Variants in BICDL1 observed in about 807,000 individuals in gnomAD.
The protein encoded by BICDL1 is BICD family-like cargo adapter 1.
A neutral mutation model predicts 76.8 loss-of-function variants in BICDL1; 20 were observed. The observed-to-expected ratio is 0.26, with a 90% CI of 0.18 to 0.38. The LOEUF (loss-of-function observed/expected upper bound fraction) is 0.38, where lower values mean the gene tolerates loss of function less well. Among genes scored for constraint, BICDL1 ranks in the 10% least tolerant of loss-of-function variants. The pLI is 1.00. For missense variants in BICDL1, 700 were observed against 798.6 expected (o/e 0.88, Z 1.49); for synonymous variants, 383 against 337.1 (o/e 1.14, Z -1.49).
chr12:120,071,882 C>CGG lies in BICDL1; in HGVS notation c.1089+81_1089+82insGG, dbSNP rs1566259235. 1 of 1,441,340 alleles carries CGG rather than the reference C, an allele frequency of 6.9e-7. No homozygotes were observed. The highest frequency in any genetic ancestry group is 9.1e-7 in the Non-Finnish European group (1 of 1,097,206). 89.3% of individuals were successfully genotyped at this position (1,441,340 alleles called of 1,614,324 possible). Reference sequence around the variant, plus strand: ...ATCCTCCTCCCTAGTGCTCAGCTGCCATCCTGGCAAGGCTGTGCCCCTGTG... The same window carrying CGG: ...ATCCTCCTCCCTAGTGCTCAGCTGCCGGATCCTGGCAAGGCTGTGCCCCTGTG... On this transcript the variant is annotated intron_variant, in intron 5 of 9. Transcript: ENST00000548673. This position sits in a 1 kb window ranked among gnomAD's most constrained non-coding sequence, Gnocchi z 4.8.
intron 8 of BICDL1, among the ~76,000 whole-genome samples, chr12:120,083,705 G>T (rs1189794014): frequency 6.6e-6 from 1 of 151,392 alleles, no homozygotes; most frequent in Non-Finnish European, 1.5e-5. Context: ...TGTTGCCTAG[G>T]CTGGAGAGCA....
intron 2 of BICDL1, among the ~76,000 whole-genome samples, chr12:120,025,801 T>A (rs941906248): frequency 6.6e-6 from 1 of 152,196 alleles, no homozygotes; most frequent in Non-Finnish European, 1.5e-5. Context: ...TATTGTGGTA[T>A]ATATTTCTAT....
At chr12:120,032,072 A>G (rs1239760132) in intron 2 of BICDL1, among the ~76,000 whole-genome samples, 2 of 152,210 alleles carry the variant, frequency 1.3e-5, no homozygotes, top group South Asian at 2.1e-4. Context: ...AGCCTGGGCA[A>G]TAGAGTGAGA....
intron 4 of BICDL1, among the ~76,000 whole-genome samples, chr12:120,066,415 A>G (rs1953221960): frequency 6.6e-6 from 1 of 152,222 alleles, no homozygotes; most frequent in South Asian, 2.1e-4. Context: ...GCATGAATTT[A>G]TAGTGAAAAG....
At position 119,990,254 on chromosome 12, in the gene BICDL1, G is replaced by T; in HGVS notation, c.386G>T (p.Arg129Leu). Residue 129 changes from arginine (R) to leucine (L), a missense_variant, in exon 1 of 10, where the codon CGG becomes CTG. Physicochemically the swap from Arg to Leu is moderately radical, Grantham distance 102. Around this residue, in one of 3 missense-constraint regions of BICDL1, gnomAD observed 225 missense variants for 199.6 expected, o/e 1.13. Coordinates refer to ENST00000548673, the MANE Select transcript of BICDL1 (RefSeq NM_001367886.1). ...ALLERNQDMS[R>L]QYEQMHKELT... Reference sequence around the variant, plus strand: ...CTCGAGAGGAACCAGGACATGAGCCGGCAGTACGAGCAGATGCATAAGGAG... The same window carrying T: ...CTCGAGAGGAACCAGGACATGAGCCTGCAGTACGAGCAGATGCATAAGGAG... The T allele has an allele frequency of 6.3e-7, 1 of 1,577,318 alleles. No individual in the cohort carries two copies.
At chr12:119,999,754 A>G (rs989394245) in intron 2 of BICDL1, 10 of 443,638 alleles carry the variant, frequency 2.3e-5, no homozygotes, top group African/African-American at 1.8e-4. Flanking sequence ...AAATCCATCT[A>G]TTTTAGAAAA....
chr12:120,024,866 C>T (rs1236770509), intron 2 of BICDL1, among the ~76,000 whole-genome samples: 7 of 151,666 alleles, frequency 4.6e-5, no homozygotes, highest in South Asian at 2.1e-4. Context: ...TTAGTAAAGA[C>T]GGATTTTCAC....
At position 120,071,100 on chromosome 12, in the gene BICDL1, T is replaced by G. The variant is rs1873066065; in HGVS notation, c.910-522T>G. On this transcript the variant is annotated intron_variant, in intron 4 of 9. Coordinates refer to ENST00000548673, the MANE Select transcript of BICDL1 (RefSeq NM_001367886.1). This position sits in a 1 kb window ranked among gnomAD's most constrained non-coding sequence, Gnocchi z 4.8. ...TATCTGTTTTTTCCCTTGCAATGTT[T>G]TTGTTAAGGAAATGGAGTTGTTTGT... Among the ~76,000 whole-genome samples the G allele has an allele frequency of 6.6e-6, 1 of 152,016 alleles. No homozygotes were observed. Among genetic ancestry groups the G allele is most frequent in the Admixed American group, 6.6e-5 (1 of 15,264 alleles).
chr12:120,080,423 C>T (rs1873876665), intron 7 of BICDL1, among the ~76,000 whole-genome samples: 1 of 152,094 alleles, frequency 6.6e-6, no homozygotes, highest in South Asian at 2.1e-4. Flanking sequence ...AGGGCTGTCA[C>T]GGGGGAGCAG....
chr12:120,028,320 C>T (rs1952350081), intron 2 of BICDL1, among the ~76,000 whole-genome samples: 1 of 152,006 alleles, frequency 6.6e-6, no homozygotes, highest in African/African-American at 2.4e-5. Context: ...TCTTCTGTTT[C>T]ATTGGCCTTT....
intron 6 of BICDL1, among the ~76,000 whole-genome samples, chr12:120,073,659 C>T (rs1471507364): frequency 6.6e-6 from 1 of 152,194 alleles, no homozygotes; most frequent in Admixed American, 6.5e-5. Context: ...TATTATTTCT[C>T]CTCACGTTTC....
intron 7 of BICDL1, among the ~76,000 whole-genome samples, chr12:120,080,460 GCT>G (rs1049640723): frequency 6.6e-6 from 1 of 152,186 alleles, no homozygotes; most frequent in African/African-American, 2.4e-5. Context: ...ATCATCCAGG[GCT>G]CTGTTGATAG....
intron 2 of BICDL1, among the ~76,000 whole-genome samples, chr12:120,021,556 C>T (rs1216329190): frequency 7.2e-6 from 1 of 138,988 alleles, no homozygotes; most frequent in Non-Finnish European, 1.5e-5. Context: ...CACTGCACTC[C>T]ACCCTGGGTG....
intron 2 of BICDL1, among the ~76,000 whole-genome samples, chr12:120,028,341 A>C (rs893237118): frequency 6.6e-6 from 1 of 152,024 alleles, no homozygotes; most frequent in Admixed American, 6.6e-5. Flanking sequence ...ACAAAGGCCC[A>C]TTGTCAATCA....
intron 8 of BICDL1, 146 bp from the exon 9 acceptor site, chr12:120,089,805 A>G (rs1315402904): frequency 1.0e-6 from 1 of 953,158 alleles, no homozygotes; most frequent in African/African-American, 1.6e-5. Flanking sequence ...TGCAGGCAAC[A>G]TCATAGTTAT....
At position 120,064,111 on chromosome 12, in the gene BICDL1, A is replaced by G. The variant is rs904809055; in HGVS notation, c.763-622A>G. Among the ~76,000 whole-genome samples, 3 of 152,226 alleles carry G rather than the reference A, an allele frequency of 2.0e-5. No homozygotes were observed. The East Asian group carries it at 5.8e-4, about 29-fold the overall frequency. On this transcript the variant is annotated intron_variant, in intron 3 of 9. Coordinates refer to ENST00000548673, the MANE Select transcript of BICDL1 (RefSeq NM_001367886.1). The stretch of plus-strand genomic sequence containing the variant: ...AAAAGTTACTCTGAGTAAAGTCAGC[A>G]TTCACTTGTATCTGTGTCCTGCTCC...
In BICDL1 at chr12:120,079,766, A is replaced by G; in HGVS notation, c.1453-1121A>G. On this transcript the variant is annotated intron_variant, in intron 7 of 9. Coordinates refer to ENST00000548673, the MANE Select transcript of BICDL1 (RefSeq NM_001367886.1). This position sits in a 1 kb window ranked among gnomAD's most constrained non-coding sequence, Gnocchi z 4.3. ...GGAAAGTGGGAGAACCCGGTTCCAA[A>G]ACAAGAAAGGGCCATGGGAAAAGGG... Among the ~76,000 whole-genome samples, 1 of 152,216 alleles carries G rather than the reference A, an allele frequency of 6.6e-6. No homozygotes were observed. Among genetic ancestry groups the G allele is most frequent in the East Asian group, 1.9e-4 (1 of 5,190 alleles).
At chr12:120,023,257 A>G (rs1738478703) in intron 2 of BICDL1, among the ~76,000 whole-genome samples, 1 of 152,244 alleles carries the variant, frequency 6.6e-6, no homozygotes, top group South Asian at 2.1e-4. Flanking sequence ...AAGAAAGTTT[A>G]TGAATTTGTG....
In BICDL1 at chr12:120,093,248, C is replaced by T. The variant is rs1031903692; in HGVS notation, c.*87C>T. 14 of 1,438,078 alleles carry T rather than the reference C, an allele frequency of 9.7e-6. No homozygotes were observed. The African/African-American group carries it at 1.7e-4, about 17-fold the overall frequency. The allele number at this position is 1,438,078 out of a possible 1,614,324, so 89.1% of individuals were successfully genotyped here. ...GCAAGGCCTCCCCTGCAGCTTGCAC[C>T]TCAGCAGCTGCCCTGCCCCTCATGC... On this transcript the variant is annotated 3_prime_UTR_variant, in exon 10 of 10. Coordinates refer to ENST00000548673, the MANE Select transcript of BICDL1 (RefSeq NM_001367886.1).
Sources: allele counts gnomAD v4.1 joint callset (sites outside exome capture counted in the v4.1 genomes callset), GRCh38; gene constraint gnomAD v4.1.1; regional missense constraint gnomAD v4.1.1; non-coding constraint Gnocchi (gnomAD v3.1); transcripts MANE v1.5; gene names NCBI Gene and HGNC (gene_info 2026-07-23, HGNC 2026-07-21).